RPS27: variants seen among roughly 807,000 people sequenced by gnomAD.
RPS27 encodes small ribosomal subunit protein eS27.
RPS27 carries 1 observed loss-of-function variant against 11.8 expected under a neutral mutation model. That is an observed-to-expected ratio of 0.08 (90% CI 0.03 to 0.40). The LOEUF is 0.40. Ranked by LOEUF, RPS27 falls within the 10% of genes least tolerant of loss-of-function variation. The pLI, the probability that RPS27 is intolerant of heterozygous loss-of-function variation, is 0.98. For missense variants in RPS27, 44 were observed against 100.1 expected (o/e 0.44, Z 2.39); for synonymous variants, 42 against 33.8 (o/e 1.24, Z -0.84).
intron 2 of RPS27, 166 bp downstream of exon 2, chr1:153,991,389 G>C: frequency 6.7e-7 from 1 of 1,482,498 alleles, no homozygotes; most frequent in Admixed American, 2.4e-5. Flanking sequence ...TATGAGACTG[G>C]CAAAGTTTTG....
chr1:153,991,481 A>G (rs1224148885), intron 2 of RPS27, 85 bp from the exon 3 acceptor site: 2 of 1,361,178 alleles, frequency 1.5e-6, no homozygotes, highest in Non-Finnish European at 1.0e-6. Flanking sequence ...GTGTTGGGAA[A>G]CAATGTAATG....
Position 153,991,390 on chromosome 1 carries a change from C to T in RPS27, c.115+167C>T. The T allele has an allele frequency of 3.0e-5, 45 of 1,481,910 alleles. No individual in the cohort carries two copies. In the South Asian group the frequency reaches 5.6e-4, roughly 19 times the overall value. 91.8% of individuals were successfully genotyped at this position (1,481,910 alleles called of 1,614,324 possible). On this transcript the variant is annotated intron_variant, in intron 2 of 3. Coordinates refer to ENST00000651669, the MANE Select transcript of RPS27 (RefSeq NM_001030.6). ...TTAAAATTTGAATGTATGAGACTGG[C>T]AAAGTTTTGCATCTTAGGAGGAGTG...
intron 1 of RPS27, 84 bp downstream of exon 1, chr1:153,990,886 GTCC>G: frequency 6.3e-7 from 1 of 1,576,654 alleles, no homozygotes; most frequent in Non-Finnish European, 8.7e-7. Flanking sequence ...ATCGTAGAGG[GTCC>G]TCATTTACCC....
Position 153,992,136 on chromosome 1 carries a change from C to T in RPS27, c.*43C>T. On this transcript the variant is annotated 3_prime_UTR_variant, in exon 4 of 4. Coordinates refer to ENST00000651669, the MANE Select transcript of RPS27 (RefSeq NM_001030.6). ...ATGAGTGGGAAACCATCTCAATAAA[C>T]ACATTTTGGATAAATCCTGTTTATT... 2 of 1,542,632 alleles carry T rather than the reference C, an allele frequency of 1.3e-6. No homozygotes were observed. Among genetic ancestry groups the T allele is most frequent in the Non-Finnish European group, 1.8e-6 (2 of 1,121,618 alleles).
chr1:153,991,121 A>G lies in RPS27; in HGVS notation c.13A>G (p.Lys5Glu), dbSNP rs1166833038. Residue 5 changes from lysine (K) to glutamate (E), a missense_variant, in exon 2 of 4, where the codon AAG (lysine) becomes GAG (glutamate). This residue lies in a region of RPS27 where 21 missense variants were observed against 16.2 expected (regional missense o/e 1.29). Transcript: ENST00000651669. ...GCATTTCTGTCCCTCTTAGCTCGCA[A>G]AGGATCTCCTTCATCCCTCTCCAGA... is the stretch of plus-strand genomic sequence containing the variant. MPLA[K>E]DLLHPSPEEE... 1.3e-6 allele frequency: 2 copies of G among 1,580,004 alleles called. No individual in the cohort carries two copies. Among genetic ancestry groups the G allele is most frequent in the Non-Finnish European group, 1.7e-6 (2 of 1,162,250 alleles).
intron 3 of RPS27, 170 bp downstream of exon 3, chr1:153,991,846 A>G (rs1649428874): frequency 2.9e-6 from 2 of 678,192 alleles, no homozygotes; most frequent in South Asian, 3.6e-5. Flanking sequence ...AAAGCTATGT[A>G]TTAATCTCAA....
At chr1:153,991,484 A>G in intron 2 of RPS27, 82 bp from the exon 3 acceptor site, 3 of 1,352,892 alleles carry the variant, frequency 2.2e-6, no homozygotes, top group Non-Finnish European at 3.1e-6. Context: ...TTGGGAAACA[A>G]TGTAATGGAT....
intron 3 of RPS27, 77 bp from the exon 4 acceptor site, chr1:153,991,988 A>G (rs903547536): frequency 8.6e-5 from 111 of 1,287,724 alleles, no homozygotes; most frequent in Non-Finnish European, 1.1e-4. Context: ...GTGGATCATC[A>G]TGCATCTGCT....
Position 153,991,006 on chromosome 1 carries a change from CA to C in RPS27, c.7-108del, listed in dbSNP as rs896939511. ...GATGGCGGCCCAGCTGCGCAGACAC[CA>C]GGGGCGGCGAGGGGCGAGCTCTCCC... is the stretch of plus-strand genomic sequence containing the variant. On this transcript the variant is annotated intron_variant, in intron 1 of 3. Transcript: ENST00000651669. 5.2e-6 allele frequency: 6 copies of C among 1,160,570 alleles called. No individual in the cohort carries two copies. In the African/African-American group the frequency reaches 7.7e-5, roughly 15 times the overall value. 71.9% of individuals were successfully genotyped at this position (1,160,570 alleles called of 1,614,324 possible).
rs1165248801 is a variant in RPS27 at position 153,990,773 on chromosome 1, G to C, written c.-24G>C. On this transcript the variant is annotated 5_prime_UTR_variant, in exon 1 of 4. Transcript: ENST00000651669. ...TTTCCGCTTTCGCTCCTTTCCGGCG[G>C]TGACGACCTACGCACACGAGAACAT... 6.2e-7 allele frequency: 1 copy of C among 1,614,196 alleles called. No individual in the cohort carries two copies. The highest frequency in any genetic ancestry group is 8.5e-7 in the Non-Finnish European group (1 of 1,180,038).
In RPS27 at chr1:153,991,032, C is replaced by T. The variant is rs1006826721; in HGVS notation, c.7-83C>T. ...AGGGGCGGCGAGGGGCGAGCTCTCC[C>T]CGGTGTGTGACAGTGGGGGCTATTT... On this transcript the variant is annotated intron_variant, in intron 1 of 3. Coordinates refer to ENST00000651669, the MANE Select transcript of RPS27 (RefSeq NM_001030.6). 4.9e-6 allele frequency: 6 copies of T among 1,233,628 alleles called. No homozygotes were observed. The East Asian group carries it at 1.0e-4, about 21-fold the overall frequency. The allele number at this position is 1,233,628 out of a possible 1,614,324, so 76.4% of individuals were successfully genotyped here.
In RPS27 at chr1:153,991,585, G is replaced by T. The variant is rs757498323; in HGVS notation, c.135G>T (p.Thr45=). 1 of 1,612,632 alleles carries T rather than the reference G, an allele frequency of 6.2e-7. No individual in the cohort carries two copies. The change falls in exon 3 of 4, where the codon ACG becomes ACT. Residue 45 remains threonine, a synonymous_variant. Transcript: ENST00000651669. The part of the protein sequence containing the change: ...VKCPGCYKIT[T]VFSHAQTVVL... ...TTTCAGGATGCTATAAAATCACCAC[G>T]GTCTTTAGCCATGCACAAACGGTAG... is the stretch of plus-strand genomic sequence containing the variant.
chr1:153,991,311 G>A (rs948713102), intron 2 of RPS27, 88 bp downstream of exon 2: 1 of 1,547,598 alleles, frequency 6.5e-7, no homozygotes, highest in Admixed American at 2.0e-5. Context: ...TATCCTTGAA[G>A]CTGTGCAGCA....
intron 1 of RPS27, 65 bp from the exon 2 acceptor site, chr1:153,991,050 G>A (rs1396170514): frequency 7.6e-7 from 1 of 1,320,630 alleles, no homozygotes; most frequent in Admixed American, 2.3e-5. Flanking sequence ...TGACAGTGGG[G>A]GCTATTTTCG....
chr1:153,991,863 A>G (rs975136009), intron 3 of RPS27, among the ~76,000 whole-genome samples, 187 bp downstream of exon 3: 5 of 152,226 alleles, frequency 3.3e-5, no homozygotes, highest in Admixed American at 6.5e-5. Context: ...TCAAAGCACT[A>G]CTGTCTAAAG....
intron 1 of RPS27, 95 bp downstream of exon 1, chr1:153,990,897 C>G: frequency 1.3e-6 from 2 of 1,529,486 alleles, no homozygotes; most frequent in Non-Finnish European, 1.8e-6. Context: ...TCCTCATTTA[C>G]CCTCTGCACT....
chr1:153,991,926 T>TA, intron 3 of RPS27, 139 bp from the exon 4 acceptor site: 1 of 816,118 alleles, frequency 1.2e-6, no homozygotes, highest in Non-Finnish European at 2.1e-6. Context: ...TAACCAGTGA[T>TA]ACAAATGCGC....
At position 153,991,354 on chromosome 1, in the gene RPS27, C is replaced by A. The variant is rs574313152; in HGVS notation, c.115+131C>A. On this transcript the variant is annotated intron_variant, in intron 2 of 3. Coordinates refer to ENST00000651669, the MANE Select transcript of RPS27 (RefSeq NM_001030.6). ...TTTCTTCGCCTGTGGAAAATATTTTCCCTGATACTCTTAAAATTTGAATGT... is the reference window on the plus strand; with the variant it reads ...TTTCTTCGCCTGTGGAAAATATTTTACCTGATACTCTTAAAATTTGAATGT... 2.4e-5 allele frequency: 36 copies of A among 1,512,846 alleles called. No homozygotes were observed. The East Asian group carries it at 7.9e-4, about 33-fold the overall frequency. 93.7% of individuals were successfully genotyped at this position (1,512,846 alleles called of 1,614,324 possible). A position where few individuals can be genotyped will look rare whatever the true frequency, so the allele number is the denominator to read the frequency against.
Position 153,991,936 on chromosome 1 carries a change from C to T in RPS27, c.227-129C>T, listed in dbSNP as rs763662213. The T allele has an allele frequency of 1.3e-5, 11 of 866,166 alleles. 1 individual carries two copies. Among genetic ancestry groups the T allele is most frequent in the Admixed American group, 1.9e-5 (1 of 52,216 alleles). The allele number at this position is 866,166 out of a possible 1,614,324, so 53.7% of individuals were successfully genotyped here. A position where few individuals can be genotyped will look rare whatever the true frequency, so the allele number is the denominator to read the frequency against. On this transcript the variant is annotated intron_variant, in intron 3 of 3. Coordinates refer to ENST00000651669, the MANE Select transcript of RPS27 (RefSeq NM_001030.6). ...GGAAGTAACCAGTGATACAAATGCGCAGGTAGCTAAGAGTTGAGAAAAAAG... is the reference window on the plus strand; with the variant it reads ...GGAAGTAACCAGTGATACAAATGCGTAGGTAGCTAAGAGTTGAGAAAAAAG...
Sources: allele counts gnomAD v4.1 joint callset (sites outside exome capture counted in the v4.1 genomes callset), GRCh38; gene constraint gnomAD v4.1.1; regional missense constraint gnomAD v4.1.1; transcripts MANE v1.5; gene names NCBI Gene and HGNC (gene_info 2026-07-23, HGNC 2026-07-21).